Variants in POTEE observed in about 807,000 individuals in gnomAD.
The protein encoded by POTEE is ANKRD26-like family C member 1A.
POTEE carries 21 observed loss-of-function variants against 74.2 expected under a neutral mutation model. The observed-to-expected ratio is 0.28, with a 90% confidence interval of 0.20 to 0.41. The LOEUF is 0.41. POTEE is among the 10% of genes least tolerant of loss of function. The probability of loss-of-function intolerance (pLI) is 1.00; values close to 1 mark genes in which losing one functional copy is unlikely to be tolerated. For missense variants in POTEE, 525 were observed against 1,158.6 expected, an observed-to-expected ratio of 0.45 and a Z score of 7.94; for synonymous variants, 211 against 432.8, an observed-to-expected ratio of 0.49 and a Z score of 6.36.
chr2:131,256,994 G>A (rs866526540), intron 16 of POTEE, among the ~76,000 whole-genome samples: 1,181 of 150,156 alleles, frequency 7.9e-3, no homozygotes, highest in Middle Eastern at 0.042. Flanking sequence ...CATCAACTCT[G>A]TTAACATCAT....
At chr2:131,214,487 T>C (rs1243542218) in intron 2 of POTEE, among the ~76,000 whole-genome samples, 2 of 152,274 alleles carry the variant, frequency 1.3e-5, no homozygotes, top group Non-Finnish European at 2.9e-5. Context: ...AGTTGTGTTA[T>C]GGTTCATAAA....
At chr2:131,225,333 C>T (rs1700747875) in intron 6 of POTEE, among the ~76,000 whole-genome samples, 1 of 152,052 alleles carries the variant, frequency 6.6e-6, no homozygotes, top group Non-Finnish European at 1.5e-5. Flanking sequence ...TGCTTGAGCT[C>T]AGGAGTTCGA....
intron 2 of POTEE, among the ~76,000 whole-genome samples, chr2:131,216,439 C>G (rs1383999748): frequency 6.6e-6 from 1 of 152,100 alleles, no homozygotes; most frequent in African/African-American, 2.4e-5. Context: ...TTTGACAAAG[C>G]AAACAAGAAA....
intron 4 of POTEE, among the ~76,000 whole-genome samples, chr2:131,219,483 G>A (rs1345423271): frequency 6.6e-6 from 1 of 152,118 alleles, no homozygotes; most frequent in African/African-American, 2.4e-5. Context: ...GCTCACGCCT[G>A]TAATCCCAGC....
chr2:131,230,951 C>G (rs542088571), intron 9 of POTEE, 45 bp downstream of exon 9: 3 of 1,536,612 alleles, frequency 2.0e-6, no homozygotes, highest in Non-Finnish European at 2.6e-6. Flanking sequence ...TGTCCCCAAC[C>G]TTTTTGACAC....
chr2:131,210,099 C>G (rs552477906), intron 1 of POTEE, among the ~76,000 whole-genome samples: 1 of 138,982 alleles, frequency 7.2e-6, no homozygotes, highest in African/African-American at 2.9e-5. Context: ...CTGCACTGCC[C>G]GGGGCAGGGA....
chr2:131,216,179 TGAAA>T (rs1342322920), intron 2 of POTEE, among the ~76,000 whole-genome samples: 2 of 151,572 alleles, frequency 1.3e-5, no homozygotes, highest in Non-Finnish European at 2.9e-5. Context: ...AGCACATTGA[TGAAA>T]GAAATTGAAA....
At chr2:131,212,221 C>G (rs146397615) in intron 2 of POTEE, among the ~76,000 whole-genome samples, 2,638 of 152,078 alleles carry the variant, frequency 0.017, 80 homozygotes, top group African/African-American at 0.061. Flanking sequence ...GCTATGCTTT[C>G]ATGATTGTGT....
rs1474365041 is a variant in POTEE at position 131,225,397 on chromosome 2, G to GACAACA, written c.810+1362_810+1367dup. Among the ~76,000 whole-genome samples, 3 of 149,308 alleles carry GACAACA rather than the reference G, an allele frequency of 2.0e-5. No individual in the cohort carries two copies. In the Admixed American group the frequency reaches 2.0e-4, roughly 10 times the overall value. On this transcript the variant is annotated intron_variant, in intron 6 of 17. Transcript: ENST00000683005. ...TGTCTCTAACAACAACAACAACAACGACAACAACAACAATTTTCTCAAAAT... is the reference window on the plus strand; with the variant it reads ...TGTCTCTAACAACAACAACAACAACGACAACAACAACAACAACAATTTTCTCAAAAT...
chr2:131,226,823 C>T lies in POTEE; in HGVS notation c.811C>T (p.His271Tyr), dbSNP rs368430795. ...GTTTTTGCTTTATATTGTTTTACAG[C>T]ATGGCCTCACACCACTGTTACTTGG... ...YGADIESKNK[H>Y]GLTPLLLGVH... The change falls in exon 7 of 18, where the codon CAT (histidine) becomes TAT (tyrosine). Residue 271 changes from histidine (H) to tyrosine (Y), a missense_variant and splice_region_variant. Coordinates refer to ENST00000683005, the MANE Select transcript of POTEE (RefSeq NM_001083538.3). The T allele has an allele frequency of 5.1e-4, 827 of 1,611,580 alleles. 1 individual carries two copies. The African/African-American group carries it at 9.5e-3, about 18-fold the overall frequency.
In POTEE at chr2:131,260,581, A is replaced by C. The variant is rs1701678369; in HGVS notation, c.1779-1145A>C. On this transcript the variant is annotated intron_variant, in intron 16 of 17. Transcript: ENST00000683005. The stretch of plus-strand genomic sequence containing the variant: ...ACTTCACACCTTTTTGAGCCACTGT[A>C]AAAGGGATTGGATTGTTGATATGAA... Among the ~76,000 whole-genome samples the C allele has an allele frequency of 1.3e-5, 2 of 149,374 alleles. 1 individual carries two copies. Among genetic ancestry groups the C allele is most frequent in the African/African-American group, 5.1e-5 (2 of 38,992 alleles).
chr2:131,212,169 G>T (rs1179992150), intron 2 of POTEE, among the ~76,000 whole-genome samples: 1 of 151,716 alleles, frequency 6.6e-6, no homozygotes, highest in Non-Finnish European at 1.5e-5. Flanking sequence ...TATGTTTTAG[G>T]GATGAGGAAA....
At position 131,218,570 on chromosome 2, in the gene POTEE, A is replaced by C; in HGVS notation, c.168A>C (p.Thr56=). The change falls in exon 4 of 18, where the codon ACA becomes ACC. Residue 56 remains threonine (T), a synonymous_variant. Transcript: ENST00000683005. ...SGDHDDSAMK[T]LRSKMGKWCH... ...ACCACGACGACTCTGCTATGAAGAC[A>C]CTCAGGAGCAAGATGGGCAAGTGGT... is the stretch of plus-strand genomic sequence containing the variant. 6.2e-7 allele frequency: 1 copy of C among 1,610,168 alleles called. No homozygotes were observed. The highest frequency in any genetic ancestry group is 8.5e-7 in the Non-Finnish European group (1 of 1,179,244).
chr2:131,210,332 G>GT (rs1417038569), intron 1 of POTEE, among the ~76,000 whole-genome samples: 1 of 131,376 alleles, frequency 7.6e-6, no homozygotes, highest in Non-Finnish European at 1.6e-5. Context: ...GGAAGGGGTG[G>GT]TTGGGGGGGG....
chr2:131,210,172 C>A (rs62177509), intron 1 of POTEE, among the ~76,000 whole-genome samples: 1 of 119,446 alleles, frequency 8.4e-6, no homozygotes, highest in African/African-American at 3.0e-5. Context: ...GGAGTGTTGT[C>A]GGGTGCTGCA....
At chr2:131,253,352 T>C (rs1701492354) in intron 16 of POTEE, among the ~76,000 whole-genome samples, 1 of 150,124 alleles carries the variant, frequency 6.7e-6, no homozygotes, top group Non-Finnish European at 1.5e-5. Flanking sequence ...GAACTTTTAT[T>C]TTAGCTTCGG....
rs1041316334 is a variant in POTEE, at chr2:131,263,926, T to G, written c.2471T>G (p.Phe824Cys). ...ANREKMTQIM[F>C]ETFNTPAMYV... ...CGCGAGAAGATGACCCAGATCATGT[T>G]TGAGACCTTCAACACCCCAGCCATG... Residue 824 changes from phenylalanine to cysteine, a missense_variant, in exon 18 of 18, where the codon TTT becomes TGT. By Grantham distance (205) the Phe-to-Cys change is radical. Coordinates refer to ENST00000683005, the MANE Select transcript of POTEE (RefSeq NM_001083538.3). 20 of 1,614,064 alleles carry G rather than the reference T, an allele frequency of 1.2e-5. No individual in the cohort carries two copies. In the Admixed American group the frequency reaches 2.5e-4, roughly 20 times the overall value.
chr2:131,236,189 G>T lies in POTEE; in HGVS notation c.1127-543G>T, dbSNP rs1701127863. Among the ~76,000 whole-genome samples, 3 of 152,240 alleles carry T rather than the reference G, an allele frequency of 2.0e-5. No homozygotes were observed. The South Asian group carries it at 6.2e-4, about 32-fold the overall frequency. ...AGGAACTTGCAAATAGTATGCATTT[G>T]TAAAAACAGCTCGGAGTGAATGCTG... On this transcript the variant is annotated intron_variant, in intron 9 of 17. Coordinates refer to ENST00000683005, the MANE Select transcript of POTEE (RefSeq NM_001083538.3).
chr2:131,211,996 ATCT>A (rs1559162787), intron 2 of POTEE, among the ~76,000 whole-genome samples: 2 of 151,714 alleles, frequency 1.3e-5, no homozygotes, highest in East Asian at 1.9e-4. Context: ...TATTCTTCTC[ATCT>A]TCTTGTTCCT....
Sources: gnomAD v4.1 joint callset for allele counts (sites outside exome capture counted in the v4.1 genomes callset) on GRCh38, gnomAD v4.1.1 for gene constraint, MANE v1.5 for transcripts, NCBI Gene and HGNC (gene_info 2026-07-23, HGNC 2026-07-21) for gene names.